Variants in CSMD1 observed in about 807,000 individuals in gnomAD.
The protein encoded by CSMD1 is CUB and Sushi multiple domains 1.
A neutral mutation model predicts 417.5 loss-of-function variants in CSMD1; 213 were observed. That is an observed-to-expected ratio of 0.51 (90% confidence interval 0.46 to 0.57). The LOEUF (loss-of-function observed/expected upper bound fraction) is 0.57, where lower values mean the gene tolerates loss of function less well. Among genes scored for constraint, CSMD1 ranks in the 20% least tolerant of loss-of-function variants. CSMD1 has a pLI of 0.00. For synonymous variants in CSMD1, 2,862 were observed against 1,736.8 expected (o/e 1.65, Z -16.11); for missense variants, 6,923 against 4,529.7 (o/e 1.53, Z -15.17).
At chr8:3,597,035 C>T (rs1252485017) in intron 8 of CSMD1, among the ~76,000 whole-genome samples, 1 of 152,180 alleles carries the variant, frequency 6.6e-6, no homozygotes, top group African/African-American at 2.4e-5. Context: ...CCACCCAGAG[C>T]CAGGAGCCCT....
intron 3 of CSMD1, among the ~76,000 whole-genome samples, chr8:4,077,193 G>C (rs796185761): frequency 5.3e-5 from 8 of 150,656 alleles, no homozygotes; most frequent in African/African-American, 1.7e-4. Context: ...GTAGAGAGAA[G>C]TCTCTAAATC....
intron 6 of CSMD1, among the ~76,000 whole-genome samples, chr8:3,720,173 G>A (rs1362225536): frequency 1.3e-5 from 2 of 152,164 alleles, no homozygotes; most frequent in Admixed American, 6.5e-5. Context: ...ACAGGAAGCT[G>A]GGGATGAACC....
chr8:4,018,638 G>C (rs553936764), intron 4 of CSMD1, among the ~76,000 whole-genome samples: 1 of 152,176 alleles, frequency 6.6e-6, no homozygotes, highest in Non-Finnish European at 1.5e-5. Context: ...TGTTTCTCAA[G>C]GAGAAAACAC....
At chr8:2,999,204 G>C (rs1247411121) in intron 53 of CSMD1, among the ~76,000 whole-genome samples, 1 of 149,462 alleles carries the variant, frequency 6.7e-6, no homozygotes, top group African/African-American at 2.5e-5. Context: ...ACCCAGGCTG[G>C]GGTGCAGCGG....
chr8:3,124,139 C>A (rs921751796), intron 41 of CSMD1, among the ~76,000 whole-genome samples: 5 of 151,674 alleles, frequency 3.3e-5, no homozygotes, highest in Admixed American at 6.6e-5. Context: ...ATCCTGTGTG[C>A]GTGTGGGGAG....
intron 5 of CSMD1, among the ~76,000 whole-genome samples, chr8:3,843,866 A>C (rs1259563050): frequency 6.6e-6 from 1 of 152,238 alleles, no homozygotes; most frequent in African/African-American, 2.4e-5. Flanking sequence ...AAAGAGGGAC[A>C]GATATTGTGA....
intron 1 of CSMD1, among the ~76,000 whole-genome samples, chr8:4,792,065 T>A (rs1378277062): frequency 6.6e-6 from 1 of 152,170 alleles, no homozygotes; most frequent in Non-Finnish European, 1.5e-5. Context: ...ATTCACTGCC[T>A]GGTTTTAACT....
chr8:4,834,285 T>G (rs1212438350), intron 1 of CSMD1, among the ~76,000 whole-genome samples: 4 of 152,202 alleles, frequency 2.6e-5, no homozygotes, highest in African/African-American at 4.8e-5. Flanking sequence ...GAAAATCATT[T>G]ATGTGCTACA....
Position 4,265,920 on chromosome 8 carries a change from G to A in CSMD1, c.415+154033C>T, listed in dbSNP as rs1306361151. On this transcript the variant is annotated intron_variant, in intron 3 of 69. Coordinates refer to ENST00000635120, the MANE Select transcript of CSMD1 (RefSeq NM_033225.6). The stretch of plus-strand genomic sequence containing the variant: ...ATCCAAAATAAAATGTGAAGAAATA[G>A]ATTTCCCCCCATTGCCCAGGAGACG... Among the ~76,000 whole-genome samples, 28 of 103,926 alleles carry A rather than the reference G, an allele frequency of 2.7e-4. 10 individuals are homozygous for A. Among genetic ancestry groups the A allele is most frequent in the Admixed American group, 2.6e-3 (28 of 10,908 alleles). The allele number at this position is 103,926 out of a possible 152,430, so 68.2% of individuals were successfully genotyped here.
chr8:4,845,401 T>C (rs1218506425), intron 1 of CSMD1, among the ~76,000 whole-genome samples: 1 of 152,218 alleles, frequency 6.6e-6, no homozygotes, highest in Non-Finnish European at 1.5e-5. Flanking sequence ...TTACAAGTGA[T>C]ATCCATTGCT....
At chr8:4,910,300 T>C (rs1805575201) in intron 1 of CSMD1, among the ~76,000 whole-genome samples, 1 of 152,248 alleles carries the variant, frequency 6.6e-6, no homozygotes, top group Non-Finnish European at 1.5e-5. Context: ...TCTTGATTTA[T>C]ACAACTTTAT....
chr8:4,730,165 C>G (rs1018533040), intron 1 of CSMD1, among the ~76,000 whole-genome samples: 1 of 151,854 alleles, frequency 6.6e-6, no homozygotes. Context: ...AAAGCATGGT[C>G]TCAGTGTGGA....
intron 5 of CSMD1, among the ~76,000 whole-genome samples, chr8:3,952,755 T>G (rs889469400): frequency 6.6e-6 from 1 of 152,230 alleles, no homozygotes; most frequent in Non-Finnish European, 1.5e-5. Flanking sequence ...TATGTTATGT[T>G]TATTTCACTT....
intron 7 of CSMD1, among the ~76,000 whole-genome samples, chr8:3,649,859 G>A (rs183154853): frequency 1.2e-4 from 19 of 152,260 alleles, no homozygotes; most frequent in Admixed American, 1.2e-3. Context: ...TTTTCTCAAT[G>A]TTTAACCTAT....
chr8:4,301,593 A>G (rs1797984568), intron 3 of CSMD1, among the ~76,000 whole-genome samples: 1 of 152,200 alleles, frequency 6.6e-6, no homozygotes, highest in Non-Finnish European at 1.5e-5. Flanking sequence ...TTTTTTGTCA[A>G]GATTGTATAA....
intron 3 of CSMD1, among the ~76,000 whole-genome samples, chr8:4,188,491 A>T (rs931594488): frequency 2.6e-5 from 4 of 152,132 alleles, no homozygotes; most frequent in Non-Finnish European, 5.9e-5. Flanking sequence ...ACCATGGTTA[A>T]ACCTGGTCAC....
At chr8:3,313,405 A>G (rs1377973101) in intron 23 of CSMD1, among the ~76,000 whole-genome samples, 4 of 152,316 alleles carry the variant, frequency 2.6e-5, no homozygotes, top group Admixed American at 6.5e-5. Flanking sequence ...TCTACAATGA[A>G]CTCAAATTTA....
chr8:4,539,952 C>T (rs1030087013), intron 2 of CSMD1, among the ~76,000 whole-genome samples: 3 of 152,238 alleles, frequency 2.0e-5, no homozygotes, highest in African/African-American at 7.2e-5. Context: ...GCCCAAACTC[C>T]GCCCCGTCCA....
chr8:4,261,859 T>C (rs540997090), intron 3 of CSMD1, among the ~76,000 whole-genome samples: 6 of 152,326 alleles, frequency 3.9e-5, no homozygotes, highest in Admixed American at 3.3e-4. Context: ...CATTATACCC[T>C]AATGAAACTA....
Sources: allele counts gnomAD v4.1 joint callset (sites outside exome capture counted in the v4.1 genomes callset), GRCh38; gene constraint gnomAD v4.1.1; transcripts MANE v1.5; gene names NCBI Gene and HGNC (gene_info 2026-07-23, HGNC 2026-07-21).